Variants in USP25 observed in about 807,000 individuals in gnomAD.
USP25 encodes ubiquitin carboxyl-terminal hydrolase 25.
USP25 carries 85 observed loss-of-function variants against 158.5 expected under a neutral mutation model. That is an observed-to-expected ratio of 0.54 (90% CI 0.45 to 0.64). The LOEUF (loss-of-function observed/expected upper bound fraction) is 0.64. Among genes scored for constraint, USP25 ranks in the 30% least tolerant of loss-of-function variants. The pLI is 0.00. For synonymous variants in USP25, 464 were observed against 460.4 expected, an observed-to-expected ratio of 1.01 and a Z score of -0.10; for missense variants, 1,242 against 1,327.3, an observed-to-expected ratio of 0.94 and a Z score of 1.00.
At chr21:15,799,717 A>T in intron 5 of USP25, 40 bp from the exon 6 acceptor site, 1 of 1,406,288 alleles carries the variant, frequency 7.1e-7, no homozygotes, top group Non-Finnish European at 9.8e-7. Context: ...TGCTAATGGA[A>T]TTTTCCCTCA....
At chr21:15,765,503 GC>G (rs1179920213) in intron 2 of USP25, among the ~76,000 whole-genome samples, 5 of 151,844 alleles carry the variant, frequency 3.3e-5, no homozygotes, top group African/African-American at 1.2e-4. Flanking sequence ...ATATTATCAA[GC>G]CCTTCAGTAC....
Position 15,864,265 on chromosome 21 carries a change from C to T in USP25, c.2548-3C>T, listed in dbSNP as rs1293024694. 2 of 1,587,854 alleles carry T rather than the reference C, an allele frequency of 1.3e-6. No individual in the cohort carries two copies. The highest frequency in any genetic ancestry group is 2.7e-5 in the African/African-American group (2 of 72,850). The stretch of plus-strand genomic sequence containing the variant: ...AAATTATCATTTTCATTGCATTTTC[C>T]AGGCAATTAAGTTGGAATATGCAAG... On this transcript the variant is annotated splice_region_variant and splice_polypyrimidine_tract_variant and intron_variant, in intron 20 of 25. Transcript: ENST00000400183.
chr21:15,849,226 TTG>T (rs2038774914), intron 19 of USP25, among the ~76,000 whole-genome samples: 1 of 152,008 alleles, frequency 6.6e-6, no homozygotes, highest in Non-Finnish European at 1.5e-5. Flanking sequence ...TGTGACAGAG[TTG>T]TGTGTTTTGT....
intron 1 of USP25, among the ~76,000 whole-genome samples, chr21:15,756,195 T>C (rs183764627): frequency 6.6e-6 from 1 of 152,314 alleles, no homozygotes; most frequent in Admixed American, 6.5e-5. Context: ...CTGGTTTATA[T>C]AGATTCCAGG....
chr21:15,765,015 C>G (rs1245417560), intron 2 of USP25, among the ~76,000 whole-genome samples: 1 of 152,024 alleles, frequency 6.6e-6, no homozygotes, highest in Non-Finnish European at 1.5e-5. Flanking sequence ...TGCCCTTTCT[C>G]TCCTCTAGTC....
chr21:15,803,779 C>T (rs1352346501), intron 6 of USP25, among the ~76,000 whole-genome samples: 1 of 151,812 alleles, frequency 6.6e-6, no homozygotes. Context: ...AGTCTTTATA[C>T]TTTTAAAACC....
intron 20 of USP25, among the ~76,000 whole-genome samples, chr21:15,860,312 C>T (rs868249217): frequency 3.9e-5 from 6 of 152,132 alleles, no homozygotes; most frequent in African/African-American, 1.4e-4. Flanking sequence ...ATCACCATGC[C>T]TGGCTAATTT....
At chr21:15,805,557 C>CA (rs2036340873) in intron 7 of USP25, 1 of 194,636 alleles carries the variant, frequency 5.1e-6, no homozygotes, top group Admixed American at 6.1e-5. Flanking sequence ...CATTATAGTA[C>CA]ACATGCTTTT....
chr21:15,813,340 A>C (rs1021496611), intron 9 of USP25, among the ~76,000 whole-genome samples: 1 of 152,228 alleles, frequency 6.6e-6, no homozygotes, highest in Non-Finnish European at 1.5e-5. Flanking sequence ...ACATTAATGA[A>C]ACTTAATCAC....
rs142743869 is a variant in USP25, at chr21:15,790,203, T to A, written c.393-1299T>A. On this transcript the variant is annotated intron_variant, in intron 4 of 25. Coordinates refer to ENST00000400183, the MANE Select transcript of USP25 (RefSeq NM_001283041.3). ...GTCTTTTCGTGAAACAAGCCTAGAG[T>A]CTGGGGTTGCCTGTGGGAGTTGGTT... Among the ~76,000 whole-genome samples the A allele has an allele frequency of 1.9e-4, 29 of 152,084 alleles. No individual in the cohort carries two copies. The East Asian group carries it at 5.6e-3, about 29-fold the overall frequency.
At chr21:15,813,555 TC>T (rs921175858) in intron 9 of USP25, among the ~76,000 whole-genome samples, 1 of 152,176 alleles carries the variant, frequency 6.6e-6, no homozygotes, top group African/African-American at 2.4e-5. Context: ...TGCTCAGAAT[TC>T]CCTCCCTTCA....
chr21:15,850,075 A>G (rs1418093424), intron 20 of USP25, among the ~76,000 whole-genome samples: 3 of 152,086 alleles, frequency 2.0e-5, no homozygotes, highest in African/African-American at 7.2e-5. Context: ...AGGTAATTCA[A>G]GAAAAAAATC....
At chr21:15,867,644 T>G (rs1392872368) in intron 22 of USP25, among the ~76,000 whole-genome samples, 1 of 152,136 alleles carries the variant, frequency 6.6e-6, no homozygotes, top group Non-Finnish European at 1.5e-5. Context: ...ACAACTGATG[T>G]ATTAGAACTA....
At chr21:15,795,301 C>T (rs2035806283) in intron 5 of USP25, among the ~76,000 whole-genome samples, 1 of 151,598 alleles carries the variant, frequency 6.6e-6, no homozygotes. Context: ...TTCACTAGGT[C>T]CTCCCATCTA....
chr21:15,821,780 TG>T (rs1474808104), intron 10 of USP25, among the ~76,000 whole-genome samples: 1 of 151,988 alleles, frequency 6.6e-6, no homozygotes, highest in East Asian at 1.9e-4. Context: ...TTTTTTCTGT[TG>T]TTTTTTTCTC....
intron 17 of USP25, among the ~76,000 whole-genome samples, chr21:15,835,868 A>C (rs2038040549): frequency 6.6e-6 from 1 of 152,150 alleles, no homozygotes; most frequent in Non-Finnish European, 1.5e-5. Flanking sequence ...GGTTTCTATT[A>C]CTGTTATCTT....
chr21:15,827,376 A>G (rs1025230633), intron 14 of USP25, among the ~76,000 whole-genome samples, 173 bp downstream of exon 14: 1 of 152,184 alleles, frequency 6.6e-6, no homozygotes, highest in Non-Finnish European at 1.5e-5. Flanking sequence ...TAATCTCAAT[A>G]TCAGGTTCAC....
intron 1 of USP25, among the ~76,000 whole-genome samples, chr21:15,748,677 G>C (rs2032761114): frequency 6.6e-6 from 1 of 151,882 alleles, no homozygotes; most frequent in East Asian, 1.9e-4. Context: ...ATGTTCTGTT[G>C]GGTAGCTCTT....
chr21:15,852,770 T>A (rs2038944859), intron 20 of USP25, among the ~76,000 whole-genome samples: 1 of 152,148 alleles, frequency 6.6e-6, no homozygotes, highest in Non-Finnish European at 1.5e-5. Flanking sequence ...TCTTTCTACC[T>A]TTTTATGTCT....
Sources: allele counts gnomAD v4.1 joint callset (sites outside exome capture counted in the v4.1 genomes callset), GRCh38; gene constraint gnomAD v4.1.1; transcripts MANE v1.5; gene names NCBI Gene and HGNC (gene_info 2026-07-23, HGNC 2026-07-21).